Variants in SHLD1 observed in about 807,000 individuals in gnomAD.
SHLD1 encodes the protein RINN1-REV7-interacting novel NHEJ regulator 3.
In SHLD1, 3 loss-of-function variants were observed where a neutral mutation model predicts 5.5. The observed-to-expected ratio is 0.54, with a 90% CI of 0.25 to 1.40. The LOEUF is 1.40. SHLD1 is among the 40% of genes most tolerant of loss of function. The pLI, the probability that SHLD1 is intolerant of heterozygous loss-of-function variation, is 0.15. For synonymous variants in SHLD1, 92 were observed against 94.3 expected (o/e 0.98, Z 0.14); for missense variants, 210 against 244.4 (o/e 0.86, Z 0.94).
intron 2 of SHLD1, among the ~76,000 whole-genome samples, chr20:5,784,678 C>T (rs2087035593): frequency 6.6e-6 from 1 of 151,986 alleles, no homozygotes; most frequent in African/African-American, 2.4e-5. Flanking sequence ...TCTCGATCGC[C>T]TGACCTTGTG....
chr20:5,861,646 C>T (rs575850794), intron 2 of SHLD1, among the ~76,000 whole-genome samples: 9 of 152,226 alleles, frequency 5.9e-5, no homozygotes, highest in Admixed American at 2.0e-4. Context: ...TAGTAAAACC[C>T]TCATTTTAAA....
At chr20:5,823,593 G>T (rs1419261158) in intron 2 of SHLD1, among the ~76,000 whole-genome samples, 1 of 151,326 alleles carries the variant, frequency 6.6e-6, no homozygotes, top group Non-Finnish European at 1.5e-5. Flanking sequence ...GATTACAGGC[G>T]CCCGCCACCA....
intron 1 of SHLD1, among the ~76,000 whole-genome samples, chr20:5,768,048 C>T (rs1451693043): frequency 7.0e-6 from 1 of 142,902 alleles, no homozygotes; most frequent in Non-Finnish European, 1.5e-5. Context: ...GATCTCGGCT[C>T]ACTGCGACCT....
intron 2 of SHLD1, among the ~76,000 whole-genome samples, chr20:5,857,928 T>C (rs1195070132): frequency 6.6e-6 from 1 of 151,990 alleles, no homozygotes; most frequent in African/African-American, 2.4e-5. Flanking sequence ...TGAAACCCCG[T>C]CTCTACTGAA....
chr20:5,848,808 A>G (rs1251602129), intron 2 of SHLD1, among the ~76,000 whole-genome samples: 1 of 152,070 alleles, frequency 6.6e-6, no homozygotes, highest in Non-Finnish European at 1.5e-5. Context: ...CATTCATTTT[A>G]TTCCTCCGTG....
chr20:5,826,634 A>C (rs1231467948), intron 2 of SHLD1, among the ~76,000 whole-genome samples: 2 of 152,070 alleles, frequency 1.3e-5, no homozygotes, highest in Non-Finnish European at 2.9e-5. Context: ...CAATCGGAGT[A>C]GTCAGTTCAG....
rs1402931044 is a variant in SHLD1 at position 5,836,980 on chromosome 20, A to G, written c.179-26044A>G. 2.6e-5 allele frequency among the ~76,000 whole-genome samples: 4 copies of G among 152,334 alleles called. No homozygotes were observed. In the South Asian group the frequency reaches 8.3e-4, roughly 32 times the overall value. On this transcript the variant is annotated intron_variant, in intron 2 of 2. Coordinates refer to ENST00000303142, the MANE Select transcript of SHLD1 (RefSeq NM_152504.4). ...AAACAAAAAAATGGAAAATGGGGCAATGGGGCAGAGGAAGGCATCCTAGAA... is the reference window on the plus strand; with the variant it reads ...AAACAAAAAAATGGAAAATGGGGCAGTGGGGCAGAGGAAGGCATCCTAGAA...
chr20:5,829,421 A>G (rs2087702941), intron 2 of SHLD1, among the ~76,000 whole-genome samples: 1 of 151,834 alleles, frequency 6.6e-6, no homozygotes, highest in African/African-American at 2.4e-5. Context: ...TGAAGCTTAT[A>G]TACTGGAGAT....
chr20:5,818,389 T>G (rs2087565159), intron 2 of SHLD1, among the ~76,000 whole-genome samples: 1 of 152,184 alleles, frequency 6.6e-6, no homozygotes, highest in South Asian at 2.1e-4. Flanking sequence ...TTGTCCAGTT[T>G]TATAGCCATT....
intron 2 of SHLD1, among the ~76,000 whole-genome samples, chr20:5,837,081 A>G (rs1041442457): frequency 2.6e-5 from 4 of 152,194 alleles, no homozygotes; most frequent in Admixed American, 1.3e-4. Context: ...GAGGGCAGCC[A>G]GGCCAACTGG....
At chr20:5,849,872 T>C (rs540447138) in intron 2 of SHLD1, among the ~76,000 whole-genome samples, 138 of 142,198 alleles carry the variant, frequency 9.7e-4, no homozygotes, top group African/African-American at 3.5e-3. Context: ...GGCAGGAGAA[T>C]GGCGTGAACC....
At chr20:5,848,292 C>A (rs2087956062) in intron 2 of SHLD1, among the ~76,000 whole-genome samples, 1 of 152,172 alleles carries the variant, frequency 6.6e-6, no homozygotes, top group African/African-American at 2.4e-5. Flanking sequence ...GTAATCCCAG[C>A]ACTTTGGGAG....
At chr20:5,803,749 G>A (rs921012334) in intron 2 of SHLD1, among the ~76,000 whole-genome samples, 1 of 151,940 alleles carries the variant, frequency 6.6e-6, no homozygotes, top group South Asian at 2.1e-4. Flanking sequence ...GCACACACCT[G>A]TAGTCCCAGC....
intron 1 of SHLD1, among the ~76,000 whole-genome samples, chr20:5,754,013 G>A (rs1281169594): frequency 2.0e-5 from 3 of 152,060 alleles, no homozygotes; most frequent in South Asian, 2.1e-4. Flanking sequence ...GCAGACAAAC[G>A]ACGCCGCTTC....
chr20:5,790,747 C>A (rs1018153573), intron 2 of SHLD1, among the ~76,000 whole-genome samples: 20 of 152,020 alleles, frequency 1.3e-4, no homozygotes, highest in African/African-American at 4.8e-4. Context: ...AGCCACCACG[C>A]CTGGCCAAAA....
chr20:5,764,209 TTGTGTG>T (rs57518537), intron 1 of SHLD1, among the ~76,000 whole-genome samples: 13 of 81,394 alleles, frequency 1.6e-4, no homozygotes, highest in African/African-American at 5.8e-4. Context: ...ATATATATAT[TTGTGTG>T]TGTGTATATA....
intron 2 of SHLD1, among the ~76,000 whole-genome samples, chr20:5,817,274 G>C (rs1453961338): frequency 3.3e-5 from 5 of 152,082 alleles, no homozygotes; most frequent in Non-Finnish European, 7.4e-5. Flanking sequence ...TTACATTGTA[G>C]AGTGTCTGTA....
At position 5,855,996 on chromosome 20, in the gene SHLD1, C is replaced by T. The variant is rs1250093583; in HGVS notation, c.179-7028C>T. Among the ~76,000 whole-genome samples the T allele has an allele frequency of 6.6e-6, 1 of 152,220 alleles. No homozygotes were observed. Among genetic ancestry groups the T allele is most frequent in the Non-Finnish European group, 1.5e-5 (1 of 68,042 alleles). Reference sequence around the variant, plus strand: ...CTAGGCAATGTTGAGATAGTAGCTGCTCTGTTGGTCTGGGTTCTGGAGTGA... The same window carrying T: ...CTAGGCAATGTTGAGATAGTAGCTGTTCTGTTGGTCTGGGTTCTGGAGTGA... On this transcript the variant is annotated intron_variant, in intron 2 of 2. Coordinates refer to ENST00000303142, the MANE Select transcript of SHLD1 (RefSeq NM_152504.4). The surrounding 1 kb of genome is among the most constrained non-coding windows in gnomAD (Gnocchi z 4.4).
At chr20:5,831,468 G>C (rs755357548) in intron 2 of SHLD1, among the ~76,000 whole-genome samples, 1 of 152,106 alleles carries the variant, frequency 6.6e-6, no homozygotes, top group Non-Finnish European at 1.5e-5. Context: ...CCACAAGTTC[G>C]TTGAAGCCAA....
Sources: allele counts gnomAD v4.1 joint callset (sites outside exome capture counted in the v4.1 genomes callset), GRCh38; gene constraint gnomAD v4.1.1; non-coding constraint Gnocchi (gnomAD v3.1); transcripts MANE v1.5; gene names NCBI Gene and HGNC (gene_info 2026-07-23, HGNC 2026-07-21).